The following INSR variants were observed in gnomAD, a reference collection of about 807,000 sequenced individuals.
INSR encodes the protein insulin receptor, also known as IR.
INSR carries 67 observed loss-of-function variants against 142.6 expected under a neutral mutation model. The ratio of observed to expected loss-of-function variants is 0.47; its 90% CI spans 0.39 to 0.58. INSR has a LOEUF of 0.58. INSR is among the 20% of genes least tolerant of loss of function. The pLI, the probability that INSR is intolerant of heterozygous loss-of-function variation, is 0.00. For missense variants in INSR, 1,248 were observed against 1,833.2 expected, an observed-to-expected ratio of 0.68 and a Z score of 5.83; for synonymous variants, 756 against 743.1, an observed-to-expected ratio of 1.02 and a Z score of -0.28.
At position 7,143,021 on chromosome 19, in the gene INSR, A is replaced by G. The variant is rs1292214907; in HGVS notation, c.2337T>C (p.Ala779=). ...CGCTGGTCGAGGAAGTGTTGGGGAA[A>G]GCTGCCACCGTGGGCACGGCCACCG... ...NVTVAVPTVA[A]FPNTSSTSVP... is the part of the protein sequence containing the mutation. Residue 779 remains alanine (A), a synonymous_variant, in exon 12 of 22, where the codon GCT becomes GCC. Coordinates refer to ENST00000302850, the MANE Select transcript of INSR (RefSeq NM_000208.4). The G allele has an allele frequency of 1.2e-6, 2 of 1,614,172 alleles. No individual in the cohort carries two copies. The highest frequency in any genetic ancestry group is 1.7e-6 in the Non-Finnish European group (2 of 1,180,028).
chr19:7,158,057 T>G (rs1351214635), intron 9 of INSR, among the ~76,000 whole-genome samples: 1 of 119,256 alleles, frequency 8.4e-6, no homozygotes. Context: ...ATTATTATTA[T>G]TATTATTATT....
chr19:7,254,387 G>A (rs1212519959), intron 2 of INSR, among the ~76,000 whole-genome samples: 2 of 151,952 alleles, frequency 1.3e-5, no homozygotes, highest in Non-Finnish European at 2.9e-5. Context: ...AAATTAGCTG[G>A]GCGTGGTGGC....
chr19:7,293,683 CG>C, intron 1 of INSR, 108 bp downstream of exon 1: 1 of 942,334 alleles, frequency 1.1e-6, no homozygotes, highest in South Asian at 4.2e-5. Flanking sequence ...CACCGCCCCC[CG>C]CCCCTGGGGA....
rs116539599 is a variant in INSR at position 7,284,147 on chromosome 19, C to T, written c.100+9645G>A. 1.7e-3 allele frequency among the ~76,000 whole-genome samples: 265 copies of T among 152,188 alleles called. 1 individual carries two copies. The highest frequency in any genetic ancestry group is 6.1e-3 in the African/African-American group (254 of 41,506). On this transcript the variant is annotated intron_variant, in intron 1 of 21. Transcript: ENST00000302850. ...TGGCACCGCCTTGGCTCACTGCAAC[C>T]TTCACCTCCTAGGCTCGAGCAATTC... is the stretch of plus-strand genomic sequence containing the variant.
intron 13 of INSR, among the ~76,000 whole-genome samples, chr19:7,132,590 T>C (rs1263180128): frequency 4.0e-5 from 6 of 151,420 alleles, no homozygotes; most frequent in African/African-American, 1.5e-4. Context: ...TTCTTTTCTT[T>C]TCCTTTTTTT....
chr19:7,192,380 T>C lies in INSR; in HGVS notation c.653-7743A>G, dbSNP rs77836753. Among the ~76,000 whole-genome samples, 1 of 152,108 alleles carries C rather than the reference T, an allele frequency of 6.6e-6. No homozygotes were observed. The highest frequency in any genetic ancestry group is 1.9e-4 in the East Asian group (1 of 5,186). ...GAACTAGCCACAAAACAGCAGCTTC[T>C]TCTGGTGAGAGAGACCGCAAAGTGA... On this transcript the variant is annotated intron_variant, in intron 2 of 21. Transcript: ENST00000302850. The surrounding 1 kb of genome is among the most constrained non-coding windows in gnomAD (Gnocchi z 4.2).
intron 2 of INSR, among the ~76,000 whole-genome samples, chr19:7,245,331 G>T (rs189279998): frequency 2.0e-5 from 3 of 152,280 alleles, no homozygotes; most frequent in Admixed American, 1.3e-4. Context: ...GAAAAAACTA[G>T]ATTTGCCACT....
chr19:7,120,658 G>A lies in INSR; in HGVS notation c.3621C>T (p.Ser1207=), dbSNP rs778681780. 1 of 1,614,010 alleles carries A rather than the reference G, an allele frequency of 6.2e-7. No homozygotes were observed. The highest frequency in any genetic ancestry group is 8.5e-7 in the Non-Finnish European group (1 of 1,179,970). The part of the protein sequence containing the change: ...LLPVRWMAPE[S]LKDGVFTTSS... ...AAGTGGTGAAGACCCCATCCTTCAGGGACTCCGGTGCCATCCACCGTACAG... is the reference window on the plus strand; with the variant it reads ...AAGTGGTGAAGACCCCATCCTTCAGAGACTCCGGTGCCATCCACCGTACAG... Residue 1207 remains serine (S), a synonymous_variant, in exon 20 of 22, where the codon TCC becomes TCT. Transcript: ENST00000302850.
At position 7,207,901 on chromosome 19, in the gene INSR, AAAGGAAGG is replaced by A. The variant is rs35679001; in HGVS notation, c.653-23272_653-23265del. Among the ~76,000 whole-genome samples the A allele has an allele frequency of 6.2e-3, 454 of 72,800 alleles. 9 individuals carry two copies. The highest frequency in any genetic ancestry group is 0.022 in the African/African-American group (419 of 19,346). 47.8% of individuals were successfully genotyped at this position (72,800 alleles called of 152,430 possible). On this transcript the variant is annotated intron_variant, in intron 2 of 21. Coordinates refer to ENST00000302850, the MANE Select transcript of INSR (RefSeq NM_000208.4). ...GACCTTGTTTGAGAAGGAAGGAAGGAAAGGAAGGAAGGAAGGAAGGAAGGAAGGAAGGA... is the reference window on the plus strand; with the variant it reads ...GACCTTGTTTGAGAAGGAAGGAAGGAAAGGAAGGAAGGAAGGAAGGAAGGA...
At chr19:7,185,426 T>C (rs76385903) in intron 2 of INSR, among the ~76,000 whole-genome samples, 2,478 of 152,252 alleles carry the variant, frequency 0.016, 66 homozygotes, top group African/African-American at 0.057. Context: ...AAACCACTGA[T>C]TGCTTCAACA....
At chr19:7,205,338 G>T (rs1302038172) in intron 2 of INSR, among the ~76,000 whole-genome samples, 1 of 152,190 alleles carries the variant, frequency 6.6e-6, no homozygotes, top group African/African-American at 2.4e-5. Flanking sequence ...GAAACGCCCG[G>T]GTTGTTAATT....
At chr19:7,217,981 A>G (rs139132444) in intron 2 of INSR, among the ~76,000 whole-genome samples, 36 of 152,366 alleles carry the variant, frequency 2.4e-4, no homozygotes, top group Non-Finnish European at 4.0e-4. Flanking sequence ...TGTGGCACCC[A>G]AGAATCTGCT....
At chr19:7,244,680 T>C (rs73490795) in intron 2 of INSR, among the ~76,000 whole-genome samples, 7,514 of 152,236 alleles carry the variant, frequency 0.049, 477 homozygotes, top group African/African-American at 0.14. Context: ...CTAATCCTAA[T>C]GTAACATTAT....
intron 2 of INSR, among the ~76,000 whole-genome samples, chr19:7,207,950 G>GA (rs1975160140): frequency 2.3e-5 from 2 of 87,402 alleles, no homozygotes; most frequent in Non-Finnish European, 5.4e-5. Context: ...GGGAAGGAGG[G>GA]AGGGAGGGAG....
intron 2 of INSR, among the ~76,000 whole-genome samples, chr19:7,252,135 C>G (rs929187503): frequency 6.6e-6 from 1 of 151,562 alleles, no homozygotes; most frequent in African/African-American, 2.4e-5. Flanking sequence ...TTTGCCAGTG[C>G]GTAGTGGCGC....
intron 2 of INSR, among the ~76,000 whole-genome samples, chr19:7,207,934 A>AGGGAGGG (rs1975154469): frequency 2.4e-5 from 3 of 127,382 alleles, no homozygotes; most frequent in African/African-American, 9.1e-5. Context: ...GGAAGGAAGG[A>AGGGAGGG]AGGAAGGGAA....
rs547975072 is a variant in INSR at position 7,185,516 on chromosome 19, A to G, written c.653-879T>C. Among the ~76,000 whole-genome samples, 12 of 152,254 alleles carry G rather than the reference A, an allele frequency of 7.9e-5. No homozygotes were observed. The East Asian group carries it at 2.3e-3, about 29-fold the overall frequency. ...TGCAGATCCTGCCTTTGGGAGCACA[A>G]GGTCTAATGGAGGAGACATGTTAGT... On this transcript the variant is annotated intron_variant, in intron 2 of 21. Coordinates refer to ENST00000302850, the MANE Select transcript of INSR (RefSeq NM_000208.4).
chr19:7,190,295 A>G (rs1453037678), intron 2 of INSR, among the ~76,000 whole-genome samples: 1 of 150,802 alleles, frequency 6.6e-6, no homozygotes, highest in African/African-American at 2.4e-5. Context: ...GTGACTATAC[A>G]TGTTTTGGCT....
intron 2 of INSR, among the ~76,000 whole-genome samples, chr19:7,201,807 C>CA (rs1568483613): frequency 3.5e-4 from 20 of 57,096 alleles, no homozygotes; most frequent in African/African-American, 9.9e-4. Flanking sequence ...GGACTACAGG[C>CA]GCGGCCACCA....
Sources: gnomAD v4.1 joint callset for allele counts (sites outside exome capture counted in the v4.1 genomes callset) on GRCh38, gnomAD v4.1.1 for gene constraint, Gnocchi (gnomAD v3.1) non-coding constraint, MANE v1.5 for transcripts, NCBI Gene and HGNC (gene_info 2026-07-23, HGNC 2026-07-21) for gene names.